EAF1: variants seen among roughly 807,000 people sequenced by gnomAD.
EAF1 encodes ELL associated factor 1.
In EAF1, 19 loss-of-function variants were observed where a neutral mutation model predicts 26.6. The observed-to-expected ratio is 0.71, with a 90% CI of 0.50 to 1.05. The LOEUF (loss-of-function observed/expected upper bound fraction) is 1.05. Among genes scored for constraint, EAF1 ranks in the 50% least tolerant of loss-of-function variants. The pLI, the probability that EAF1 is intolerant of heterozygous loss-of-function variation, is 0.00. For missense variants in EAF1, 260 were observed against 335.5 expected (o/e 0.78, Z 1.76); for synonymous variants, 102 against 120.6 (o/e 0.85, Z 1.01).
chr3:15,430,122 C>T (rs2061794174), intron 2 of EAF1, 115 bp downstream of exon 2: 1 of 836,380 alleles, frequency 1.2e-6, no homozygotes, highest in Non-Finnish European at 1.8e-6. Context: ...AAAGTGGCAA[C>T]TTAAGGAAAA....
chr3:15,430,375 G>T (rs1295969860), intron 2 of EAF1, among the ~76,000 whole-genome samples: 3 of 150,676 alleles, frequency 2.0e-5, no homozygotes, highest in African/African-American at 7.4e-5. Flanking sequence ...TGGGAGGATC[G>T]CTTGAGCCTG....
intron 3 of EAF1, among the ~76,000 whole-genome samples, chr3:15,432,579 C>G (rs372488118): frequency 6.6e-6 from 1 of 152,188 alleles, no homozygotes; most frequent in African/African-American, 2.4e-5. Context: ...CTATACTTAA[C>G]TGGAGTGAAA....
rs1313136996 is a variant in EAF1 at position 15,442,054 on chromosome 3, G to A, written c.*2899G>A. 3 of 152,576 alleles carry A rather than the reference G, an allele frequency of 2.0e-5. No homozygotes were observed. The highest frequency in any genetic ancestry group is 7.2e-5 in the African/African-American group (3 of 41,426). The allele number at this position is 152,576 out of a possible 1,614,324, so 9.5% of individuals were successfully genotyped here. A position where few individuals can be genotyped will look rare whatever the true frequency, so the allele number is the denominator to read the frequency against. On this transcript the variant is annotated 3_prime_UTR_variant, in exon 6 of 6. Transcript: ENST00000396842. ...AGAAACTTAATACAAATGAACTAGA[G>A]GTTTGTAATCATGCCACTCACTAAC...
rs1354946924 is a variant in EAF1, at chr3:15,427,894, C to T, written c.103+12C>T. On this transcript the variant is annotated intron_variant, in intron 1 of 5. Transcript: ENST00000396842. ...CCACACTATTCGTTGTAAGTCAGCG[C>T]TCCCCACGGTTCCCTTCGGCCGCTC... The T allele has an allele frequency of 1.2e-5, 18 of 1,534,948 alleles. No individual in the cohort carries two copies. Among genetic ancestry groups the T allele is most frequent in the Non-Finnish European group, 1.6e-5 (18 of 1,136,746 alleles).
Position 15,427,766 on chromosome 3 carries a change from G to T in EAF1, c.-14G>T. 2 of 1,550,746 alleles carry T rather than the reference G, an allele frequency of 1.3e-6. No homozygotes were observed. The highest frequency in any genetic ancestry group is 1.7e-6 in the Non-Finnish European group (2 of 1,146,662). On this transcript the variant is annotated 5_prime_UTR_variant, in exon 1 of 6. Coordinates refer to ENST00000396842, the MANE Select transcript of EAF1 (RefSeq NM_033083.7). ...GGGAGAGCGCCGATCTGGGTGCGAGGCAGGTGCGGGGCCATGAATGGGACC... is the reference window on the plus strand; with the variant it reads ...GGGAGAGCGCCGATCTGGGTGCGAGTCAGGTGCGGGGCCATGAATGGGACC...
At chr3:15,434,944 C>T (rs564619557) in intron 4 of EAF1, among the ~76,000 whole-genome samples, 202 of 152,256 alleles carry the variant, frequency 1.3e-3, no homozygotes, top group African/African-American at 4.7e-3. Flanking sequence ...GAGGAGCTGA[C>T]CATGGTGCTG....
intron 1 of EAF1, among the ~76,000 whole-genome samples, chr3:15,429,191 GA>G (rs1171766635): frequency 3.3e-5 from 5 of 152,202 alleles, no homozygotes; most frequent in African/African-American, 1.2e-4. Flanking sequence ...GAACATCTAC[GA>G]AGTGTCTTTG....
Position 15,432,140 on chromosome 3 carries a change from A to G in EAF1, c.252A>G (p.Lys84=). The G allele has an allele frequency of 6.2e-7, 1 of 1,614,204 alleles. No individual in the cohort carries two copies. Among genetic ancestry groups the G allele is most frequent in the Non-Finnish European group, 8.5e-7 (1 of 1,180,024 alleles). ...AGGGGAACAAACGGCCTTACCAGAA[A>G]GACTGTGTGCTTATTATTAATCATG... The part of the protein sequence containing the change: ...VFKGNKRPYQ[K]DCVLIINHDT... Residue 84 remains lysine, a synonymous_variant, in exon 3 of 6, where the codon AAA becomes AAG. Transcript: ENST00000396842.
chr3:15,436,310 T>C (rs748458745), intron 4 of EAF1, 32 bp from the exon 5 acceptor site: 48 of 1,540,766 alleles, frequency 3.1e-5, no homozygotes, highest in Admixed American at 2.6e-4. Context: ...AAAGGGCTGC[T>C]GTGCTGATCC....
chr3:15,430,893 A>G (rs2061798465), intron 2 of EAF1, among the ~76,000 whole-genome samples: 1 of 152,182 alleles, frequency 6.6e-6, no homozygotes, highest in Non-Finnish European at 1.5e-5. Flanking sequence ...GTAGCTGGAG[A>G]CAGAATGAAA....
At chr3:15,437,609 A>G (rs1208895079) in intron 5 of EAF1, among the ~76,000 whole-genome samples, 5 of 152,202 alleles carry the variant, frequency 3.3e-5, no homozygotes, top group African/African-American at 1.2e-4. Flanking sequence ...TGCAGTTGAT[A>G]CTAAAGTAAA....
intron 1 of EAF1, among the ~76,000 whole-genome samples, 160 bp downstream of exon 1, chr3:15,428,042 T>G (rs2061766429): frequency 6.6e-6 from 1 of 152,140 alleles, no homozygotes; most frequent in Non-Finnish European, 1.5e-5. Flanking sequence ...CATCGATTTG[T>G]CCCTTCTTTT....
intron 1 of EAF1, among the ~76,000 whole-genome samples, chr3:15,429,055 TGCACCTGTCCTGCAGTTTGA>T (rs1218185230): frequency 2.6e-5 from 4 of 152,230 alleles, no homozygotes; most frequent in African/African-American, 9.6e-5. Context: ...AGTTCATGTG[TGCACCTGTCCTGCAGTTTGA>T]GGCAGGTGTG....
intron 5 of EAF1, among the ~76,000 whole-genome samples, chr3:15,437,996 G>A (rs557275645): frequency 6.6e-6 from 1 of 152,114 alleles, no homozygotes; most frequent in African/African-American, 2.4e-5. Context: ...GCCATTATAT[G>A]CCCCATCTTT....
chr3:15,437,067 TG>T (rs749078807), intron 5 of EAF1, among the ~76,000 whole-genome samples: 20 of 152,156 alleles, frequency 1.3e-4, no homozygotes, highest in Non-Finnish European at 1.9e-4. Context: ...GGCTAATTTT[TG>T]TATTTTTAGT....
Position 15,428,402 on chromosome 3 carries a change from C to T in EAF1, c.103+520C>T, listed in dbSNP as rs138197198. ...GGACTCCCAAATACTGTGCTTTGTC[C>T]CCTCTACAGCCAAAGAATTGGCATC... On this transcript the variant is annotated intron_variant, in intron 1 of 5. Coordinates refer to ENST00000396842, the MANE Select transcript of EAF1 (RefSeq NM_033083.7). 2.4e-4 allele frequency among the ~76,000 whole-genome samples: 37 copies of T among 152,238 alleles called. No homozygotes were observed. The East Asian group carries it at 6.8e-3, about 28-fold the overall frequency.
intron 5 of EAF1, among the ~76,000 whole-genome samples, chr3:15,436,851 A>G (rs1490940358): frequency 6.6e-6 from 1 of 152,190 alleles, no homozygotes; most frequent in Non-Finnish European, 1.5e-5. Context: ...TTTTGCTTTT[A>G]TACCAGACTT....
At chr3:15,435,437 G>A (rs967693876) in intron 4 of EAF1, among the ~76,000 whole-genome samples, 7 of 151,944 alleles carry the variant, frequency 4.6e-5, no homozygotes, top group African/African-American at 1.7e-4. Context: ...TAGAACGGCT[G>A]CAGACATCAC....
At chr3:15,431,290 T>C (rs142235635) in intron 2 of EAF1, among the ~76,000 whole-genome samples, 129 of 152,312 alleles carry the variant, frequency 8.5e-4, no homozygotes, top group African/African-American at 3.0e-3. Flanking sequence ...CAAGAAAATA[T>C]AGCAGTTATT....
Sources: allele counts gnomAD v4.1 joint callset (sites outside exome capture counted in the v4.1 genomes callset), GRCh38; gene constraint gnomAD v4.1.1; transcripts MANE v1.5; gene names NCBI Gene and HGNC (gene_info 2026-07-23, HGNC 2026-07-21).